The following KPNA6 variants were observed in gnomAD, a reference collection of about 807,000 sequenced individuals.
The protein encoded by KPNA6 is karyopherin subunit alpha 6.
A neutral mutation model predicts 72.0 loss-of-function variants in KPNA6; 9 were observed. That is an observed-to-expected ratio of 0.13 (90% CI 0.08 to 0.22). The LOEUF (loss-of-function observed/expected upper bound fraction) is 0.22, where lower values mean the gene tolerates loss of function less well. Among genes scored for constraint, KPNA6 ranks in the 10% least tolerant of loss-of-function variants. The pLI is 1.00. For missense variants in KPNA6, 374 were observed against 655.7 expected, an observed-to-expected ratio of 0.57 and a Z score of 4.69; for synonymous variants, 219 against 242.1, an observed-to-expected ratio of 0.90 and a Z score of 0.89.
chr1:32,163,449 G>A, intron 10 of KPNA6, 136 bp downstream of exon 10: 1 of 627,438 alleles, frequency 1.6e-6, no homozygotes, highest in South Asian at 1.8e-5. Context: ...GTAAGTGTGG[G>A]CTTGAGTGAA....
At chr1:32,163,378 G>A (rs1642277485) in intron 10 of KPNA6, 65 bp downstream of exon 10, 2 of 1,185,598 alleles carry the variant, frequency 1.7e-6, no homozygotes, top group African/African-American at 1.5e-5. Flanking sequence ...AGCTGCCAGT[G>A]GACAAAAGCC....
At chr1:32,108,250 C>T (rs1435182485) in intron 1 of KPNA6, 116 bp downstream of exon 1, 4 of 1,453,722 alleles carry the variant, frequency 2.8e-6, no homozygotes, top group African/African-American at 1.4e-5. Context: ...CTAGCTAGGT[C>T]TGAGGGGAAA....
intron 9 of KPNA6, among the ~76,000 whole-genome samples, chr1:32,162,944 A>C (rs1642265965): frequency 6.6e-6 from 1 of 150,832 alleles, no homozygotes; most frequent in Non-Finnish European, 1.5e-5. Flanking sequence ...CTCTACTAAA[A>C]ATACAAAAAA....
chr1:32,170,653 C>A, intron 13 of KPNA6, 54 bp from the exon 14 acceptor site: 1 of 1,477,508 alleles, frequency 6.8e-7, no homozygotes, highest in Non-Finnish European at 9.4e-7. Flanking sequence ...AAATGTTTCA[C>A]CTGCCCATAG....
chr1:32,134,792 TAAGA>T (rs925755672), intron 1 of KPNA6, among the ~76,000 whole-genome samples: 1 of 152,110 alleles, frequency 6.6e-6, no homozygotes, highest in African/African-American at 2.4e-5. Context: ...GGCAAATCTG[TAAGA>T]AATAGAAAGT....
intron 1 of KPNA6, among the ~76,000 whole-genome samples, chr1:32,151,013 C>T (rs934079026): frequency 1.4e-4 from 21 of 152,044 alleles, no homozygotes; most frequent in African/African-American, 5.1e-4. Context: ...CCTTGAAGAA[C>T]TCCTAGGTTC....
In KPNA6 at chr1:32,153,571, CA is replaced by C. The variant is rs554895996; in HGVS notation, c.5-998del. On this transcript the variant is annotated intron_variant, in intron 1 of 13. Transcript: ENST00000373625. The stretch of plus-strand genomic sequence containing the variant: ...GGGCAACAAAAGTGAAACTCTGTCT[CA>C]AAAAAAAAAAAAAAAAAAGAAGAAA... 6.7e-3 allele frequency among the ~76,000 whole-genome samples: 403 copies of C among 60,466 alleles called. 1 individual carries two copies. Among genetic ancestry groups the C allele is most frequent in the African/African-American group, 7.2e-3 (125 of 17,286 alleles). The allele number at this position is 60,466 out of a possible 152,430, so 39.7% of individuals were successfully genotyped here. A position where few individuals can be genotyped will look rare whatever the true frequency, so the allele number is the denominator to read the frequency against.
intron 1 of KPNA6, among the ~76,000 whole-genome samples, chr1:32,125,011 AT>A (rs1641508355): frequency 6.6e-6 from 1 of 150,450 alleles, no homozygotes; most frequent in East Asian, 2.0e-4. Context: ...CGCCCAGCTA[AT>A]TTTTTGTATT....
At chr1:32,145,355 A>C (rs1276059330) in intron 1 of KPNA6, among the ~76,000 whole-genome samples, 28 of 150,172 alleles carry the variant, frequency 1.9e-4, no homozygotes, top group African/African-American at 6.9e-4. Flanking sequence ...AGATGGAGCA[A>C]GCTCTGTTCC....
intron 6 of KPNA6, 81 bp from the exon 7 acceptor site, chr1:32,160,534 A>C: frequency 9.9e-7 from 1 of 1,007,486 alleles, no homozygotes; most frequent in Non-Finnish European, 1.6e-6. Context: ...CCTGGTGGGT[A>C]CTCACTTTGC....
chr1:32,117,528 G>A (rs923192352), intron 1 of KPNA6, among the ~76,000 whole-genome samples: 7 of 151,124 alleles, frequency 4.6e-5, no homozygotes, highest in South Asian at 2.1e-4. Context: ...GCTGGCTGAC[G>A]CCTATAATCC....
rs2124090756 is a variant in KPNA6 at position 32,166,381 on chromosome 1, C to G, written c.1116+151C>G. ...GTGGCTCACGCCTGTAGTCCCAGCA[C>G]TTTGGGAGGCCGAGGTGGGCAGATC... is the stretch of plus-strand genomic sequence containing the variant. On this transcript the variant is annotated intron_variant, in intron 11 of 13. Transcript: ENST00000373625. 8 of 868,428 alleles carry G rather than the reference C, an allele frequency of 9.2e-6. No homozygotes were observed. In the South Asian group the frequency reaches 1.3e-4, roughly 14 times the overall value. The allele number at this position is 868,428 out of a possible 1,614,324, so 53.8% of individuals were successfully genotyped here.
chr1:32,116,885 A>G (rs1641336750), intron 1 of KPNA6, among the ~76,000 whole-genome samples: 1 of 151,970 alleles, frequency 6.6e-6, no homozygotes, highest in Admixed American at 6.6e-5. Flanking sequence ...ATAGGGTGGG[A>G]GAGAGACTGT....
At chr1:32,125,491 C>T (rs1339805781) in intron 1 of KPNA6, among the ~76,000 whole-genome samples, 2 of 152,202 alleles carry the variant, frequency 1.3e-5, no homozygotes. Context: ...GAGAAAGTTC[C>T]CCAGTCACGG....
chr1:32,123,657 T>G (rs1641477818), intron 1 of KPNA6, among the ~76,000 whole-genome samples: 1 of 151,134 alleles, frequency 6.6e-6, no homozygotes, highest in Non-Finnish European at 1.5e-5. Flanking sequence ...GGAGGATTGC[T>G]TGAGCCCCGG....
rs1642358563 is a variant in KPNA6 at position 32,167,368 on chromosome 1, A to G, written c.1244+72A>G. ...CCTGTTTGCTCATGGTTTACAGGTGACCTATAAACTGCTCTTGCTCAGACA... is the reference window on the plus strand; with the variant it reads ...CCTGTTTGCTCATGGTTTACAGGTGGCCTATAAACTGCTCTTGCTCAGACA... On this transcript the variant is annotated intron_variant, in intron 12 of 13. Transcript: ENST00000373625. 4 of 1,572,586 alleles carry G rather than the reference A, an allele frequency of 2.5e-6. 1 individual carries two copies. In the East Asian group the frequency reaches 9.0e-5, roughly 35 times the overall value.
intron 8 of KPNA6, 22 bp downstream of exon 8, chr1:32,162,068 C>T: frequency 6.4e-7 from 1 of 1,568,892 alleles, no homozygotes; most frequent in Non-Finnish European, 8.8e-7. Context: ...ACTTACTAGA[C>T]CCTGAGTGAC....
At chr1:32,152,947 C>G (rs187898989) in intron 1 of KPNA6, among the ~76,000 whole-genome samples, 1 of 129,434 alleles carries the variant, frequency 7.7e-6, no homozygotes, top group Non-Finnish European at 1.6e-5. Flanking sequence ...ACCCAGGAGG[C>G]GGAGGGTTGC....
chr1:32,149,539 A>G (rs1185501170), intron 1 of KPNA6, among the ~76,000 whole-genome samples: 1 of 152,088 alleles, frequency 6.6e-6, no homozygotes, highest in African/African-American at 2.4e-5. Flanking sequence ...AATGGTTTCT[A>G]CTTTATTCCG....
Sources: gnomAD v4.1 joint callset for allele counts (sites outside exome capture counted in the v4.1 genomes callset) on GRCh38, gnomAD v4.1.1 for gene constraint, MANE v1.5 for transcripts, NCBI Gene and HGNC (gene_info 2026-07-23, HGNC 2026-07-21) for gene names.